Variants in SOX5 observed in about 807,000 individuals in gnomAD.
The protein encoded by SOX5 is SRY-box transcription factor 5.
SOX5 carries 9 observed loss-of-function variants against 92.0 expected under a neutral mutation model. That is an observed-to-expected ratio of 0.10 (90% CI 0.06 to 0.17). The LOEUF (loss-of-function observed/expected upper bound fraction) is 0.17, where lower values mean the gene tolerates loss of function less well. Ranked by LOEUF, SOX5 falls within the 10% of genes least tolerant of loss-of-function variation. SOX5 has a pLI of 1.00. For synonymous variants in SOX5, 344 were observed against 336.3 expected (o/e 1.02, Z -0.25); for missense variants, 642 against 944.5 (o/e 0.68, Z 4.20).
At chr12:24,197,760 G>T (rs971900823) in intron 4 of SOX5, among the ~76,000 whole-genome samples, 1 of 152,166 alleles carries the variant, frequency 6.6e-6, no homozygotes, top group Non-Finnish European at 1.5e-5. Context: ...GAGAGAGTTA[G>T]AAGTCTGGGT....
intron 4 of SOX5, among the ~76,000 whole-genome samples, chr12:24,163,270 A>G (rs1411764947): frequency 6.6e-6 from 1 of 152,114 alleles, no homozygotes; most frequent in East Asian, 1.9e-4. Context: ...CAAATCCCAA[A>G]CTAGTCACAC....
chr12:24,327,385 C>CTTTTTTTTTTTTTTTTTTTTTTTTTT (rs71063311), intron 2 of SOX5, among the ~76,000 whole-genome samples: 2 of 56,690 alleles, frequency 3.5e-5, no homozygotes, highest in African/African-American at 6.5e-5. Flanking sequence ...GCAATGGAGA[C>CTTTTTTTTTTTTTTTTTTTTTTTTTT]TTTTTTTTTT....
At chr12:23,536,760 A>C (rs1940559203) in intron 13 of SOX5, 91 bp from the exon 14 acceptor site, 1 of 1,015,794 alleles carries the variant, frequency 9.8e-7, no homozygotes, top group Non-Finnish European at 1.5e-6. Flanking sequence ...TCTAAAGTTG[A>C]GATGTTAGCC....
chr12:24,207,354 G>T (rs1478342479), intron 4 of SOX5, among the ~76,000 whole-genome samples: 1 of 151,888 alleles, frequency 6.6e-6, no homozygotes. Flanking sequence ...GAACAATATC[G>T]CCACGTTCAA....
chr12:24,250,764 A>G (rs564910295), intron 3 of SOX5, among the ~76,000 whole-genome samples: 2 of 152,326 alleles, frequency 1.3e-5, no homozygotes, highest in South Asian at 4.1e-4. Flanking sequence ...ACCCAAACAG[A>G]CTTCCAGTTC....
chr12:23,840,584 T>C (rs1161821375), intron 3 of SOX5, among the ~76,000 whole-genome samples: 1 of 152,110 alleles, frequency 6.6e-6, no homozygotes, highest in Non-Finnish European at 1.5e-5. Context: ...TCAAGACTTA[T>C]TATCAAGCTA....
chr12:24,273,136 G>A (rs1943981278), intron 3 of SOX5, among the ~76,000 whole-genome samples: 1 of 152,168 alleles, frequency 6.6e-6, no homozygotes, highest in Non-Finnish European at 1.5e-5. Flanking sequence ...ACATGTGCCT[G>A]TAATACCAGC....
At chr12:23,890,845 AG>A (rs2097123810) in intron 2 of SOX5, among the ~76,000 whole-genome samples, 1 of 152,164 alleles carries the variant, frequency 6.6e-6, no homozygotes, top group Non-Finnish European at 1.5e-5. Flanking sequence ...AAAACAATAA[AG>A]GAGACAATTG....
intron 4 of SOX5, among the ~76,000 whole-genome samples, chr12:23,970,841 A>ATATATATAATTTTTAAT: frequency 4.6e-5 from 1 of 21,878 alleles, no homozygotes; most frequent in East Asian, 8.6e-4. Flanking sequence ...TATATATATA[A>ATATATATAATTTTTAAT]TTTTTTTTTT....
chr12:24,308,101 G>A (rs1399648025), intron 2 of SOX5, among the ~76,000 whole-genome samples: 2 of 152,072 alleles, frequency 1.3e-5, no homozygotes, highest in Non-Finnish European at 1.5e-5. Flanking sequence ...GCTCAAGCAT[G>A]CCTATTAAGA....
intron 4 of SOX5, among the ~76,000 whole-genome samples, chr12:24,003,043 T>C (rs1003048409): frequency 1.3e-5 from 2 of 152,088 alleles, no homozygotes; most frequent in Non-Finnish European, 2.9e-5. Context: ...ACCATATTAA[T>C]AGAACAATCA....
intron 4 of SOX5, among the ~76,000 whole-genome samples, chr12:24,017,438 A>T (rs917329714): frequency 6.6e-6 from 1 of 151,956 alleles, no homozygotes; most frequent in African/African-American, 2.4e-5. Flanking sequence ...CTCTACTAAA[A>T]ATGCAAAAAA....
rs1946555613 is a variant in SOX5 at position 24,290,981 on chromosome 12, T to G, written c.-173-13669A>C. On this transcript the variant is annotated intron_variant, in intron 2 of 4. Transcript: ENST00000446891. ...CTACTTGTAAAAACAGGGTTGCAGTTTGATGGCTGATAAATTTTTACTATT... is the reference window on the plus strand; with the variant it reads ...CTACTTGTAAAAACAGGGTTGCAGTGTGATGGCTGATAAATTTTTACTATT... Among the ~76,000 whole-genome samples the G allele has an allele frequency of 2.0e-5, 3 of 152,312 alleles. No individual in the cohort carries two copies. The South Asian group carries it at 6.2e-4, about 32-fold the overall frequency.
chr12:24,069,486 A>T (rs1298535271), intron 4 of SOX5, among the ~76,000 whole-genome samples: 2 of 152,240 alleles, frequency 1.3e-5, no homozygotes, highest in Non-Finnish European at 2.9e-5. Flanking sequence ...AATTATTATG[A>T]GAAGAACAGA....
At chr12:24,518,882 AT>A (rs1371439868) in intron 1 of SOX5, among the ~76,000 whole-genome samples, 1 of 152,204 alleles carries the variant, frequency 6.6e-6, no homozygotes, top group Non-Finnish European at 1.5e-5. Context: ...TTGTATTAAT[AT>A]TTAGGAAACA....
At chr12:24,133,803 T>C (rs1010345590) in intron 4 of SOX5, among the ~76,000 whole-genome samples, 10 of 152,162 alleles carry the variant, frequency 6.6e-5, no homozygotes, top group African/African-American at 2.4e-4. Context: ...AATTGTTTTA[T>C]AACCCAATTA....
chr12:23,723,284 C>G (rs1367620280), intron 6 of SOX5, among the ~76,000 whole-genome samples: 1 of 151,978 alleles, frequency 6.6e-6, no homozygotes, highest in African/African-American at 2.4e-5. Flanking sequence ...CAAACTCAAT[C>G]TTTCCAACTT....
chr12:24,404,356 T>G (rs1401904505), intron 1 of SOX5, among the ~76,000 whole-genome samples: 1 of 152,136 alleles, frequency 6.6e-6, no homozygotes, highest in Non-Finnish European at 1.5e-5. Flanking sequence ...TGACACTATT[T>G]TAGTAGCTTC....
At chr12:23,854,618 C>T (rs895225649) in intron 2 of SOX5, among the ~76,000 whole-genome samples, 6 of 152,082 alleles carry the variant, frequency 3.9e-5, no homozygotes, top group African/African-American at 1.4e-4. Context: ...TTCATTCACT[C>T]TATTTTCTCT....
Sources: gnomAD v4.1 joint callset for allele counts (sites outside exome capture counted in the v4.1 genomes callset) on GRCh38, gnomAD v4.1.1 for gene constraint, MANE v1.5 for transcripts, NCBI Gene and HGNC (gene_info 2026-07-23, HGNC 2026-07-21) for gene names.